Variants in BLTP2 observed in about 807,000 individuals in gnomAD.
BLTP2 encodes U937-associated antigen.
the BLTP2 span, among the ~76,000 whole-genome samples, chr17:28,641,690 T>G: frequency 2.0e-5 from 3 of 151,378 alleles, no homozygotes; most frequent in Non-Finnish European, 4.4e-5. Flanking sequence ...CAGGTCTAAC[T>G]CATGATAGGT....
chr17:28,633,137 G>A, the BLTP2 span: 2 of 1,580,942 alleles, frequency 1.3e-6, no homozygotes, highest in Non-Finnish European at 1.7e-6. Context: ...AGGTCAGGCA[G>A]GTGAAGGAAG....
chr17:28,637,507 C>G, the BLTP2 span, among the ~76,000 whole-genome samples: 1 of 152,058 alleles, frequency 6.6e-6, no homozygotes, highest in Non-Finnish European at 1.5e-5. Context: ...TTCATAAGCC[C>G]TTAAGAAATA....
At chr17:28,628,194 T>C in the BLTP2 span, 1 of 1,362,254 alleles carries the variant, frequency 7.3e-7, no homozygotes, top group Non-Finnish European at 1.0e-6. Context: ...TCAGTCCTTT[T>C]AAAACTCCTG....
At chr17:28,635,902 T>C in the BLTP2 span, 15 of 321,380 alleles carry the variant, frequency 4.7e-5, no homozygotes, top group Admixed American at 3.2e-4. Flanking sequence ...GTATCTACCA[T>C]AGTATACTCA....
the BLTP2 span, among the ~76,000 whole-genome samples, chr17:28,637,439 T>C: frequency 6.6e-6 from 1 of 152,238 alleles, no homozygotes; most frequent in Non-Finnish European, 1.5e-5. Context: ...AAAAGTTATA[T>C]GGATCTCTCT....
At chr17:28,634,937 C>T in the BLTP2 span, 4 of 1,613,916 alleles carry the variant, frequency 2.5e-6, no homozygotes, top group Non-Finnish European at 3.4e-6. Flanking sequence ...TCAAAAACAT[C>T]ATCCAAGAAA....
At chr17:28,635,640 A>T in the BLTP2 span, 3 of 1,578,056 alleles carry the variant, frequency 1.9e-6, no homozygotes, top group Non-Finnish European at 2.6e-6. Context: ...GGATCTGTCA[A>T]TTACCATGTC....
the BLTP2 span, chr17:28,633,483 C>T: frequency 6.3e-7 from 1 of 1,579,332 alleles, no homozygotes; most frequent in Non-Finnish European, 8.7e-7. Flanking sequence ...TCTCTCTTCC[C>T]ACATGTGCTA....
At chr17:28,634,987 G>A in the BLTP2 span, 2 of 1,613,408 alleles carry the variant, frequency 1.2e-6, no homozygotes, top group Admixed American at 3.3e-5. Context: ...TAGATCAGGT[G>A]GGAGTGGGAC....
At chr17:28,645,124 C>T in the BLTP2 span, 9,087 of 1,373,078 alleles carry the variant, frequency 6.6e-3, 35 homozygotes, top group Non-Finnish European at 7.6e-3. Flanking sequence ...CGGATCCGCG[C>T]AGCACCGCCG....
the BLTP2 span, chr17:28,631,681 G>A: frequency 6.2e-7 from 1 of 1,613,982 alleles, no homozygotes; most frequent in Non-Finnish European, 8.5e-7. Context: ...CACTGTGCCT[G>A]CTGAGAAAAA....
chr17:28,633,248 C>T, the BLTP2 span: 1 of 1,600,370 alleles, frequency 6.2e-7, no homozygotes, highest in Non-Finnish European at 8.6e-7. Context: ...CTGAGCCCCT[C>T]ATCCCATGGA....
At chr17:28,618,134 T>C in the BLTP2 span, among the ~76,000 whole-genome samples, 1 of 151,978 alleles carries the variant, frequency 6.6e-6, no homozygotes, top group Non-Finnish European at 1.5e-5. Context: ...GGTTTCACCA[T>C]GTTAGCCAGG....
chr17:28,637,094 A>G, the BLTP2 span: 4 of 1,614,088 alleles, frequency 2.5e-6, no homozygotes, highest in Admixed American at 3.3e-5. Flanking sequence ...GCGCTAACAC[A>G]AGTCCTTGAA....
At chr17:28,621,525 A>C in the BLTP2 span, 13 of 1,556,826 alleles carry the variant, frequency 8.4e-6, no homozygotes, top group African/African-American at 1.4e-5. Flanking sequence ...AGGCAACTTT[A>C]GCTCCTGGGA....
At chr17:28,637,240 T>C in the BLTP2 span, 96 of 1,165,670 alleles carry the variant, frequency 8.2e-5, no homozygotes, top group Non-Finnish European at 1.1e-4. Flanking sequence ...TCACTCGCCT[T>C]TCTCACTTAT....
chr17:28,642,378 G>C, the BLTP2 span: 1 of 1,578,008 alleles, frequency 6.3e-7, no homozygotes, highest in African/African-American at 1.3e-5. Flanking sequence ...CTTGCCGGGC[G>C]CGGTGGCTCA....
chr17:28,631,020 G>A, the BLTP2 span, among the ~76,000 whole-genome samples: 2 of 152,200 alleles, frequency 1.3e-5, no homozygotes, highest in African/African-American at 4.8e-5. Context: ...TGGAATATAT[G>A]AGAAACCTTA....
chr17:28,634,312 T>C, the BLTP2 span, among the ~76,000 whole-genome samples: 1 of 152,158 alleles, frequency 6.6e-6, no homozygotes, highest in Non-Finnish European at 1.5e-5. Flanking sequence ...TAAAGATGAC[T>C]GTGTTAGCTT....
Sources: gnomAD v4.1 joint callset for allele counts (sites outside exome capture counted in the v4.1 genomes callset) on GRCh38, gnomAD v4.1.1 for gene constraint, MANE v1.5 for transcripts, NCBI Gene and HGNC (gene_info 2026-07-23, HGNC 2026-07-21) for gene names.